Variants in SMYD3 observed in about 807,000 individuals in gnomAD.
The protein encoded by SMYD3 is SET and MYND domain containing 3.
A neutral mutation model predicts 57.7 loss-of-function variants in SMYD3; 36 were observed. The ratio of observed to expected loss-of-function variants is 0.62; its 90% CI spans 0.48 to 0.82. SMYD3 has a LOEUF of 0.82. SMYD3 is among the 40% of genes least tolerant of loss of function. The pLI, the probability that SMYD3 is intolerant of heterozygous loss-of-function variation, is 0.00. For synonymous variants in SMYD3, 211 were observed against 195.0 expected (o/e 1.08, Z -0.68); for missense variants, 515 against 538.8 (o/e 0.96, Z 0.44).
chr1:245,894,414 G>A (rs80081500), intron 8 of SMYD3, among the ~76,000 whole-genome samples: 2,487 of 152,086 alleles, frequency 0.016, 53 homozygotes, highest in East Asian at 0.047. Flanking sequence ...GCGGAAACCC[G>A]CTCAGGTCCC....
chr1:246,125,637 A>G (rs2061498159), intron 5 of SMYD3, among the ~76,000 whole-genome samples: 1 of 152,238 alleles, frequency 6.6e-6, no homozygotes, highest in African/African-American at 2.4e-5. Flanking sequence ...AAGGAAAGAC[A>G]TACTTCGATG....
Position 245,760,787 on chromosome 1 carries a change from G to C in SMYD3, c.1185+3254C>G, listed in dbSNP as rs562305428. On this transcript the variant is annotated intron_variant, in intron 11 of 11. Coordinates refer to ENST00000490107, the MANE Select transcript of SMYD3 (RefSeq NM_001167740.2). ...AATTGTTCACCAGAGGAACCACCGT[G>C]TACCCCAAACTACAAACACAAGTAC... Among the ~76,000 whole-genome samples, 5 of 152,118 alleles carry C rather than the reference G, an allele frequency of 3.3e-5. 1 individual carries two copies. In the Middle Eastern group the frequency reaches 0.017, roughly 517 times the overall value.
chr1:245,793,265 T>C (rs541016011), intron 10 of SMYD3, among the ~76,000 whole-genome samples: 63 of 151,584 alleles, frequency 4.2e-4, no homozygotes, highest in Admixed American at 7.2e-4. Flanking sequence ...GCCGAGATCG[T>C]GCCACTGCAC....
At chr1:246,223,843 C>A (rs1010327105) in intron 5 of SMYD3, among the ~76,000 whole-genome samples, 2 of 152,104 alleles carry the variant, frequency 1.3e-5, no homozygotes, top group Non-Finnish European at 2.9e-5. Context: ...TCAGTAATTA[C>A]AATATGCTGG....
chr1:246,291,220 C>A (rs146338957), intron 5 of SMYD3, among the ~76,000 whole-genome samples: 5 of 152,156 alleles, frequency 3.3e-5, no homozygotes, highest in African/African-American at 1.2e-4. Context: ...GTTTCTTTCC[C>A]GACTACTTGT....
intron 2 of SMYD3, among the ~76,000 whole-genome samples, chr1:246,341,865 G>C (rs2065638144): frequency 6.6e-6 from 1 of 152,164 alleles, no homozygotes; most frequent in Non-Finnish European, 1.5e-5. Flanking sequence ...GTTTGGGATA[G>C]AGTGTAAGAA....
rs1330910479 is a variant in SMYD3 at position 246,499,835 on chromosome 1, T to C, written c.164+7219A>G. Among the ~76,000 whole-genome samples the C allele has an allele frequency of 3.3e-5, 5 of 150,328 alleles. No individual in the cohort carries two copies. The South Asian group carries it at 6.2e-4, about 19-fold the overall frequency. ...TAAATATAAATAGATAAAACCCACA[T>C]AAACAAAACATCATCAGCACTCTCA... On this transcript the variant is annotated intron_variant, in intron 1 of 11. Transcript: ENST00000490107.
chr1:245,897,530 AAC>A (rs2053900028), intron 8 of SMYD3, among the ~76,000 whole-genome samples: 1 of 152,242 alleles, frequency 6.6e-6, no homozygotes, highest in Non-Finnish European at 1.5e-5. Flanking sequence ...CTTGGAAAGA[AAC>A]AAACCATCAA....
intron 10 of SMYD3, among the ~76,000 whole-genome samples, chr1:245,849,136 A>G (rs1167933700): frequency 1.3e-5 from 2 of 152,204 alleles, no homozygotes; most frequent in Non-Finnish European, 2.9e-5. Context: ...AACTTTCACT[A>G]GGAAGTTATC....
At chr1:246,384,617 A>C (rs2066443072) in intron 1 of SMYD3, among the ~76,000 whole-genome samples, 1 of 152,122 alleles carries the variant, frequency 6.6e-6, no homozygotes, top group Admixed American at 6.5e-5. Context: ...GGCTGTTGTC[A>C]AACTCCTCAC....
intron 5 of SMYD3, among the ~76,000 whole-genome samples, chr1:246,303,599 T>A (rs2064931746): frequency 6.6e-6 from 1 of 152,204 alleles, no homozygotes; most frequent in Admixed American, 6.5e-5. Flanking sequence ...ATATTTTATT[T>A]GTGGTGATTG....
At chr1:246,248,808 ATTTTTTTTT>A (rs1164274725) in intron 5 of SMYD3, among the ~76,000 whole-genome samples, 2 of 90,446 alleles carry the variant, frequency 2.2e-5, no homozygotes, top group Non-Finnish European at 4.1e-5. Context: ...TGCCCGGCTA[ATTTTTTTTT>A]TTTTTTTTTT....
chr1:246,049,400 CA>C (rs2060027115), intron 5 of SMYD3, among the ~76,000 whole-genome samples: 1 of 152,046 alleles, frequency 6.6e-6, no homozygotes, highest in Non-Finnish European at 1.5e-5. Flanking sequence ...GGGTTCACGC[CA>C]TTCTCCTGCC....
At chr1:246,329,876 G>C (rs191364708) in intron 4 of SMYD3, among the ~76,000 whole-genome samples, 3 of 152,080 alleles carry the variant, frequency 2.0e-5, no homozygotes, top group Non-Finnish European at 4.4e-5. Context: ...GGCTAGTTTT[G>C]AGTTGAAATC....
intron 1 of SMYD3, among the ~76,000 whole-genome samples, chr1:246,408,563 G>A (rs1486926332): frequency 6.6e-6 from 1 of 150,878 alleles, no homozygotes; most frequent in African/African-American, 2.4e-5. Context: ...TTACTGATAA[G>A]TAATGAGAAT....
intron 5 of SMYD3, among the ~76,000 whole-genome samples, chr1:246,249,718 T>C (rs2063771434): frequency 1.3e-5 from 2 of 152,236 alleles, no homozygotes; most frequent in South Asian, 2.1e-4. Flanking sequence ...TTTGTATTTA[T>C]GTACTTCCAA....
intron 5 of SMYD3, among the ~76,000 whole-genome samples, chr1:245,980,533 G>A (rs2058569796): frequency 1.3e-5 from 2 of 152,216 alleles, no homozygotes; most frequent in Admixed American, 6.5e-5. Flanking sequence ...CCAGTTTCAA[G>A]GTCTGAGTTT....
chr1:246,187,188 C>T (rs1000285551), intron 5 of SMYD3, among the ~76,000 whole-genome samples: 11 of 151,650 alleles, frequency 7.3e-5, no homozygotes, highest in African/African-American at 2.7e-4. Context: ...ACTCGGGAGG[C>T]TGAGGCAGGA....
intron 8 of SMYD3, among the ~76,000 whole-genome samples, chr1:245,865,640 T>C (rs142945036): frequency 6.6e-6 from 1 of 152,378 alleles, no homozygotes; most frequent in Non-Finnish European, 1.5e-5. Context: ...CAGCAAGTCC[T>C]GCTTATTTAA....
Sources: allele counts gnomAD v4.1 joint callset (sites outside exome capture counted in the v4.1 genomes callset), GRCh38; gene constraint gnomAD v4.1.1; transcripts MANE v1.5; gene names NCBI Gene and HGNC (gene_info 2026-07-23, HGNC 2026-07-21).